The following GSG1L variants were observed in gnomAD, a reference collection of about 807,000 sequenced individuals.
GSG1L encodes the protein GSG1 like.
GSG1L carries 24 observed loss-of-function variants against 42.1 expected under a neutral mutation model. That is an observed-to-expected ratio of 0.57 (90% confidence interval 0.41 to 0.80). The LOEUF (loss-of-function observed/expected upper bound fraction) is 0.80. Among genes scored for constraint, GSG1L ranks in the 30% least tolerant of loss-of-function variants. GSG1L has a pLI of 0.00. For synonymous variants in GSG1L, 215 were observed against 203.5 expected (o/e 1.06, Z -0.48); for missense variants, 445 against 472.2 (o/e 0.94, Z 0.53).
At position 27,988,882 on chromosome 16, in the gene GSG1L, G is replaced by A. The variant is rs367991699; in HGVS notation, c.350-25679C>T. 8.7e-4 allele frequency among the ~76,000 whole-genome samples: 132 copies of A among 151,526 alleles called. 1 individual carries two copies. Among genetic ancestry groups the A allele is most frequent in the Middle Eastern group, 3.4e-3 (1 of 290 alleles). ...ATCCTGGCTAACATGGTGAAACCCCGTCTCTACTAAAAATACAAAAGTTAG... is the reference window on the plus strand; with the variant it reads ...ATCCTGGCTAACATGGTGAAACCCCATCTCTACTAAAAATACAAAAGTTAG... On this transcript the variant is annotated intron_variant, in intron 1 of 6. Coordinates refer to ENST00000447459, the MANE Select transcript of GSG1L (RefSeq NM_001109763.2).
At chr16:27,811,156 A>G (rs926819519) in intron 5 of GSG1L, among the ~76,000 whole-genome samples, 3 of 152,196 alleles carry the variant, frequency 2.0e-5, no homozygotes, top group African/African-American at 7.2e-5. Context: ...TTATTTTTTC[A>G]GAATTAATAC....
At position 27,812,787 on chromosome 16, in the gene GSG1L, T is replaced by G. The variant is rs13333649; in HGVS notation, c.831-5233A>C. On this transcript the variant is annotated intron_variant, in intron 5 of 6. Transcript: ENST00000447459. ...TTGTTGTTGTTGTTTTAATTTTTAT[T>G]TATTTATTTATTTATTTTTGAGACA... Among the ~76,000 whole-genome samples, 1,461 of 152,070 alleles carry G rather than the reference T, an allele frequency of 9.6e-3. 19 individuals carry two copies. Among genetic ancestry groups the G allele is most frequent in the African/African-American group, 0.032 (1,347 of 41,474 alleles).
chr16:28,037,426 C>T (rs1596721212), intron 1 of GSG1L, among the ~76,000 whole-genome samples: 1 of 152,184 alleles, frequency 6.6e-6, no homozygotes, highest in East Asian at 1.9e-4. Flanking sequence ...AACTTCTTCC[C>T]CTCCAGAAGA....
rs140621448 is a variant in GSG1L at position 28,012,712 on chromosome 16, C to T, written c.350-49509G>A. 4.7e-4 allele frequency among the ~76,000 whole-genome samples: 71 copies of T among 151,994 alleles called. No individual in the cohort carries two copies. The East Asian group carries it at 6.8e-3, about 15-fold the overall frequency. On this transcript the variant is annotated intron_variant, in intron 1 of 6. Coordinates refer to ENST00000447459, the MANE Select transcript of GSG1L (RefSeq NM_001109763.2). ...GCCAGCCTCAGCTACACAGCAAGAC[C>T]GTGTCTCTATGAAAAAATTTTTAAA...
intron 4 of GSG1L, 39 bp from the exon 5 acceptor site, chr16:27,828,995 G>T (rs1055280492): frequency 1.9e-6 from 3 of 1,602,124 alleles, no homozygotes; most frequent in Non-Finnish European, 2.6e-6. Flanking sequence ...TCGTGAGGGT[G>T]GGCAAGGGAC....
At chr16:27,972,075 A>G (rs2085199162) in intron 1 of GSG1L, among the ~76,000 whole-genome samples, 1 of 152,166 alleles carries the variant, frequency 6.6e-6, no homozygotes. Flanking sequence ...TCCTACCAGA[A>G]CCAGATGTTC....
chr16:27,954,145 T>G (rs11860354), intron 2 of GSG1L, among the ~76,000 whole-genome samples: 1,737 of 152,158 alleles, frequency 0.011, 35 homozygotes, highest in African/African-American at 0.04. Flanking sequence ...GACCTGGGTT[T>G]ACAAAGTCAA....
At chr16:27,978,440 C>T (rs1338723748) in intron 1 of GSG1L, among the ~76,000 whole-genome samples, 1 of 150,934 alleles carries the variant, frequency 6.6e-6, no homozygotes, top group African/African-American at 2.4e-5. Flanking sequence ...CGCCTGTAAT[C>T]CCAGCACTTT....
chr16:27,898,569 T>C lies in GSG1L; in HGVS notation c.398-13931A>G, dbSNP rs550655684. ...TTCCTCCTCCTCTTCCTCCTCCTCT[T>C]TCTTCTCCTCTCTCTGTTTCTCTCT... On this transcript the variant is annotated intron_variant, in intron 2 of 6. Transcript: ENST00000447459. Among the ~76,000 whole-genome samples, 11 of 152,024 alleles carry C rather than the reference T, an allele frequency of 7.2e-5. 1 individual carries two copies. The East Asian group carries it at 2.1e-3, about 29-fold the overall frequency.
intron 1 of GSG1L, among the ~76,000 whole-genome samples, chr16:28,019,399 G>A (rs756718675): frequency 3.3e-5 from 5 of 152,110 alleles, no homozygotes; most frequent in South Asian, 2.1e-4. Flanking sequence ...GGCAATGCCC[G>A]GAAGTGACCC....
intron 1 of GSG1L, among the ~76,000 whole-genome samples, chr16:27,988,150 TAAAC>T (rs1005330480): frequency 7.2e-5 from 11 of 152,118 alleles, no homozygotes; most frequent in African/African-American, 2.4e-4. Context: ...TATCTGTTAA[TAAAC>T]AAAAAATTAA....
chr16:27,836,776 G>A (rs2140974471), intron 4 of GSG1L, among the ~76,000 whole-genome samples: 1 of 152,234 alleles, frequency 6.6e-6, no homozygotes, highest in Middle Eastern at 3.4e-3. Context: ...GCTTGTTGAA[G>A]CATTTTTATG....
intron 2 of GSG1L, among the ~76,000 whole-genome samples, chr16:27,931,710 G>T (rs2084659472): frequency 6.6e-6 from 1 of 152,168 alleles, no homozygotes; most frequent in Non-Finnish European, 1.5e-5. Flanking sequence ...AGGTCCTTAG[G>T]ATGCACACAG....
chr16:27,961,260 A>G (rs2085067787), intron 2 of GSG1L, among the ~76,000 whole-genome samples: 1 of 151,840 alleles, frequency 6.6e-6, no homozygotes, highest in Non-Finnish European at 1.5e-5. Flanking sequence ...ATGCACACTC[A>G]CCCTTACCCG....
chr16:27,888,276 A>C (rs2084053785), intron 2 of GSG1L: 1 of 220,256 alleles, frequency 4.5e-6, no homozygotes. Context: ...CTCTTTCAGA[A>C]GTGATGGGAG....
chr16:27,904,073 T>TCC (rs1386745047), intron 2 of GSG1L, among the ~76,000 whole-genome samples: 6 of 152,128 alleles, frequency 3.9e-5, no homozygotes, highest in East Asian at 3.9e-4. Context: ...CCTGTGTCTC[T>TCC]CCACCTGCCC....
rs189581635 is a variant in GSG1L at position 28,016,016 on chromosome 16, A to C, written c.349+47060T>G. ...TTTTGTTTTTGTTTTTTTGAGATGG[A>C]GTCTTGCTCTGTCACCCAGGCTGGA... On this transcript the variant is annotated intron_variant, in intron 1 of 6. Transcript: ENST00000447459. Among the ~76,000 whole-genome samples the C allele has an allele frequency of 4.4e-3, 667 of 152,216 alleles. 4 individuals carry two copies. The highest frequency in any genetic ancestry group is 0.015 in the African/African-American group (637 of 41,532).
intron 1 of GSG1L, among the ~76,000 whole-genome samples, chr16:28,055,960 C>T (rs1458454772): frequency 1.3e-5 from 2 of 152,050 alleles, no homozygotes; most frequent in Non-Finnish European, 2.9e-5. Context: ...TCCCACTAAA[C>T]ACCTCTCCTT....
chr16:27,856,509 C>T (rs373156245), intron 3 of GSG1L, among the ~76,000 whole-genome samples: 1 of 152,142 alleles, frequency 6.6e-6, no homozygotes, highest in South Asian at 2.1e-4. Flanking sequence ...GAGACAGGGT[C>T]TCCCTATGTT....
Sources: gnomAD v4.1 joint callset for allele counts (sites outside exome capture counted in the v4.1 genomes callset) on GRCh38, gnomAD v4.1.1 for gene constraint, MANE v1.5 for transcripts, NCBI Gene and HGNC (gene_info 2026-07-23, HGNC 2026-07-21) for gene names.